Variants in CLCF1 observed in about 807,000 individuals in gnomAD.
The protein encoded by CLCF1 is cardiotrophin like cytokine factor 1.
CLCF1 carries 10 observed loss-of-function variants against 21.2 expected under a neutral mutation model. The observed-to-expected ratio is 0.47, with a 90% CI of 0.29 to 0.80. The LOEUF (loss-of-function observed/expected upper bound fraction) is 0.80. Among genes scored for constraint, CLCF1 ranks in the 30% least tolerant of loss-of-function variants. The pLI is 0.09. For synonymous variants in CLCF1, 115 were observed against 120.5 expected (o/e 0.95, Z 0.30); for missense variants, 240 against 293.4 (o/e 0.82, Z 1.33).
chr11:67,364,683 G>C lies in CLCF1; in HGVS notation c.*453C>G, dbSNP rs1464278126. ...TTGTTTCCTGAATTGGATGTATAGA[G>C]TGATTTGGGGATAAGGGAGCAACAC... is the stretch of plus-strand genomic sequence containing the variant. On this transcript the variant is annotated 3_prime_UTR_variant, in exon 3 of 3. Transcript: ENST00000312438. The C allele has an allele frequency of 5.2e-6, 1 of 192,764 alleles. No homozygotes were observed. The highest frequency in any genetic ancestry group is 1.1e-5 in the Non-Finnish European group (1 of 91,854). 11.9% of individuals were successfully genotyped at this position (192,764 alleles called of 1,614,324 possible).
Position 67,365,185 on chromosome 11 carries a change from T to C in CLCF1, c.629A>G (p.Gln210Arg), listed in dbSNP as rs768439765. ...KDFNRLKKKM[Q>R]PPAAAVTLHL... ...CAGGGTGACTGCAGCTGCTGGAGGC[T>C]GCATCTTCTTCTTGAGCCGGTTGAA... The change falls in exon 3 of 3, where the codon CAG becomes CGG. Residue 210 changes from glutamine to arginine, a missense_variant. By Grantham distance (43) the Gln-to-Arg change is conservative (BLOSUM62 1). Transcript: ENST00000312438. The surrounding 1 kb of genome is among the most constrained non-coding windows in gnomAD (Gnocchi z 5.0). The C allele has an allele frequency of 1.4e-5, 23 of 1,613,918 alleles. No homozygotes were observed. The highest frequency in any genetic ancestry group is 1.8e-5 in the Non-Finnish European group (21 of 1,180,046).
Position 67,367,589 on chromosome 11 carries a change from C to G in CLCF1, c.54G>C (p.Val18=), listed in dbSNP as rs752740163. The G allele has an allele frequency of 1.9e-5, 30 of 1,613,684 alleles. No homozygotes were observed. The highest frequency in any genetic ancestry group is 1.7e-4 in the Middle Eastern group (1 of 5,982). ...CTGGCACTGCAGGGAGGTGCCAGAG[C>G]ACCGTGCACAGGCACGCTAACATCC... ...SWGMLACLCT[V]LWHLPAVPAL... Residue 18 remains valine, a synonymous_variant, in exon 2 of 3, where the codon GTG becomes GTC. Transcript: ENST00000312438.
At chr11:67,368,333 G>C in intron 1 of CLCF1, 1 of 985,358 alleles carries the variant, frequency 1.0e-6, no homozygotes, top group Non-Finnish European at 1.2e-6. Flanking sequence ...CCCCGTTCTT[G>C]GTGTTAGGTG....
chr11:67,373,864 G>A (rs1282324819), upstream of CLCF1: 2 of 977,246 alleles, frequency 2.0e-6, no homozygotes. Context: ...GTGAGGCGAG[G>A]CTGTGGCGGT....
At chr11:67,373,191 G>A (rs1024725664) in intron 1 of CLCF1, among the ~76,000 whole-genome samples, 4 of 151,896 alleles carry the variant, frequency 2.6e-5, no homozygotes, top group Admixed American at 2.6e-4. Context: ...CCCCGCCTCG[G>A]ACTCTCTGGC....
intron 2 of CLCF1, among the ~76,000 whole-genome samples, chr11:67,366,352 C>A (rs1862098070): frequency 6.6e-6 from 1 of 152,100 alleles, no homozygotes; most frequent in Admixed American, 6.5e-5. Context: ...GAGAGTGGCC[C>A]ATTGGAACCA....
chr11:67,371,403 G>A (rs186076545), intron 1 of CLCF1, among the ~76,000 whole-genome samples: 1 of 152,286 alleles, frequency 6.6e-6, no homozygotes, highest in East Asian at 1.9e-4. Flanking sequence ...GAAACACACG[G>A]GGCTTCATCT....
intron 1 of CLCF1, among the ~76,000 whole-genome samples, 174 bp downstream of exon 1, chr11:67,373,350 C>CCG (rs1275254703): frequency 6.6e-6 from 1 of 151,900 alleles, no homozygotes; most frequent in Non-Finnish European, 1.5e-5. Context: ...TCCAGGAATG[C>CCG]CGCGTCCCCG....
At position 67,367,215 on chromosome 11, in the gene CLCF1, C is replaced by G. The variant is rs1173590217; in HGVS notation, c.183+245G>C. ...GGGAGGCGGGCGGCTGGGCTGGCAG[C>G]CAGTGGGGCAATGGGCCAAGGCGGG... is the stretch of plus-strand genomic sequence containing the variant. On this transcript the variant is annotated intron_variant, in intron 2 of 2. Transcript: ENST00000312438. Among the ~76,000 whole-genome samples, 6 of 152,256 alleles carry G rather than the reference C, an allele frequency of 3.9e-5. No homozygotes were observed. In the East Asian group the frequency reaches 1.2e-3, roughly 29 times the overall value.
chr11:67,369,341 C>A, intron 1 of CLCF1: 2 of 981,124 alleles, frequency 2.0e-6, no homozygotes, highest in Non-Finnish European at 2.4e-6. Context: ...TGTGTACACG[C>A]GTGTGTTTTA....
chr11:67,370,466 G>T (rs1167743952), intron 1 of CLCF1: 7 of 973,296 alleles, frequency 7.2e-6, no homozygotes, highest in Non-Finnish European at 8.4e-6. Flanking sequence ...TTTACATCCC[G>T]TCTTCTCTGT....
At chr11:67,367,712 C>A (rs574363993) in intron 1 of CLCF1, 86 bp from the exon 2 acceptor site, 59 of 1,548,914 alleles carry the variant, frequency 3.8e-5, no homozygotes, top group Middle Eastern at 4.6e-4. Flanking sequence ...TCTGTCCCCA[C>A]CTTGGGCTGG....
At chr11:67,373,785 G>T, upstream of CLCF1, 1 of 1,052,640 alleles carries the variant, frequency 9.5e-7, no homozygotes, top group Non-Finnish European at 1.2e-6. Context: ...GTGGGGGTAG[G>T]AGGGGGGAGG....
Position 67,372,950 on chromosome 11 carries a change from G to C in CLCF1, c.16+574C>G, listed in dbSNP as rs1156699030. On this transcript the variant is annotated intron_variant, in intron 1 of 2. Coordinates refer to ENST00000312438, the MANE Select transcript of CLCF1 (RefSeq NM_013246.3). The surrounding 1 kb of genome is among the most constrained non-coding windows in gnomAD (Gnocchi z 5.9). ...TAGGAAGCCGCGAGTCCCGCGGCGC[G>C]GCTCGGCCCGTCCGGCCCGGCCCAG... Among the ~76,000 whole-genome samples the C allele has an allele frequency of 6.7e-6, 1 of 149,498 alleles. No individual in the cohort carries two copies. Among genetic ancestry groups the C allele is most frequent in the African/African-American group, 2.4e-5 (1 of 40,838 alleles).
At chr11:67,370,601 T>A in intron 1 of CLCF1, 1 of 960,998 alleles carries the variant, frequency 1.0e-6, no homozygotes, top group Non-Finnish European at 1.2e-6. Context: ...GAACCAAGGC[T>A]CTCCTCATGA....
chr11:67,370,391 CA>C (rs1862203685), intron 1 of CLCF1: 139 of 983,298 alleles, frequency 1.4e-4, no homozygotes, highest in Admixed American at 6.8e-4. Context: ...TCCCCCTCCC[CA>C]CCAGTCCTGG....
upstream of CLCF1, chr11:67,373,709 C>CA: frequency 8.3e-7 from 1 of 1,208,912 alleles, no homozygotes; most frequent in Non-Finnish European, 1.0e-6. Context: ...GGACATTCTG[C>CA]AAACTTTTTT....
At chr11:67,367,721 G>T in intron 1 of CLCF1, 95 bp from the exon 2 acceptor site, 1 of 1,540,138 alleles carries the variant, frequency 6.5e-7, no homozygotes, top group Non-Finnish European at 8.7e-7. Flanking sequence ...ACCTTGGGCT[G>T]GGTGGGGGGT....
In CLCF1 at chr11:67,365,429, G is replaced by T; in HGVS notation, c.385C>A (p.Leu129Met). Residue 129 changes from leucine (L) to methionine (M), a missense_variant, in exon 3 of 3, where the codon CTG (leucine) becomes ATG (methionine). By Grantham distance (15) the Leu-to-Met change is conservative (BLOSUM62 2). Coordinates refer to ENST00000312438, the MANE Select transcript of CLCF1 (RefSeq NM_013246.3). This position sits in a 1 kb window ranked among gnomAD's most constrained non-coding sequence, Gnocchi z 5.0. ...CAGAAGTGGGCCAGGCTGCGGCGCA[G>T]CTCAGCAGTGGCAGCCTGACGGTTG... ...GLNRQAATAELRRSLAHFCTS... is the reference protein window; with the variant it reads ...GLNRQAATAEMRRSLAHFCTS... The T allele has an allele frequency of 6.2e-7, 1 of 1,613,818 alleles. No individual in the cohort carries two copies. The highest frequency in any genetic ancestry group is 8.5e-7 in the Non-Finnish European group (1 of 1,179,890).
Sources: gnomAD v4.1 joint callset for allele counts (sites outside exome capture counted in the v4.1 genomes callset) on GRCh38, gnomAD v4.1.1 for gene constraint, Gnocchi (gnomAD v3.1) non-coding constraint, MANE v1.5 for transcripts, NCBI Gene and HGNC (gene_info 2026-07-23, HGNC 2026-07-21) for gene names.